PTBP2: variants seen among roughly 807,000 people sequenced by gnomAD.
The protein encoded by PTBP2 is polypyrimidine tract-binding protein 2.
PTBP2 carries 13 observed loss-of-function variants against 61.4 expected under a neutral mutation model. The observed-to-expected ratio is 0.21, with a 90% CI of 0.14 to 0.34. PTBP2 has a LOEUF of 0.34. PTBP2 is among the 10% of genes least tolerant of loss of function. PTBP2 has a pLI of 1.00. For missense variants in PTBP2, 405 were observed against 642.6 expected, an observed-to-expected ratio of 0.63 and a Z score of 4.00; for synonymous variants, 215 against 218.5, an observed-to-expected ratio of 0.98 and a Z score of 0.14.
intron 3 of PTBP2, among the ~76,000 whole-genome samples, chr1:96,757,629 G>A (rs1415005432): frequency 1.3e-5 from 2 of 152,180 alleles, no homozygotes; most frequent in East Asian, 1.9e-4. Context: ...CCCAGTAACT[G>A]TAAAATAACT....
intron 7 of PTBP2, among the ~76,000 whole-genome samples, chr1:96,779,583 A>T (rs72976439): frequency 0.045 from 6,824 of 152,134 alleles, 477 homozygotes; most frequent in African/African-American, 0.15. Flanking sequence ...TAAGCATCCA[A>T]CTATGATATT....
chr1:96,751,974 A>G (rs1003816796), intron 3 of PTBP2, among the ~76,000 whole-genome samples: 2 of 152,058 alleles, frequency 1.3e-5, no homozygotes, highest in African/African-American at 4.8e-5. Flanking sequence ...ACAGTATTTT[A>G]ATTCTGAGTT....
At chr1:96,728,480 A>G (rs1164916213) in intron 2 of PTBP2, among the ~76,000 whole-genome samples, 1 of 152,190 alleles carries the variant, frequency 6.6e-6, no homozygotes, top group African/African-American at 2.4e-5. Flanking sequence ...CAGCTTCATG[A>G]AAAATCACTT....
chr1:96,790,554 A>G (rs191492656), intron 8 of PTBP2, among the ~76,000 whole-genome samples: 30 of 152,306 alleles, frequency 2.0e-4, no homozygotes, highest in Admixed American at 3.9e-4. Context: ...ATCTTTATAA[A>G]GTAGAATTTT....
At chr1:96,804,447 C>A (rs542095390) in intron 8 of PTBP2, among the ~76,000 whole-genome samples, 1 of 150,542 alleles carries the variant, frequency 6.6e-6, no homozygotes, top group Non-Finnish European at 1.5e-5. Context: ...TACATTTGGC[C>A]TTTTACTGTA....
chr1:96,726,074 C>CAAAAAAAAAAAAAAAAAAAAAAAA (rs762152365), intron 2 of PTBP2, among the ~76,000 whole-genome samples: 1 of 54,190 alleles, frequency 1.8e-5, no homozygotes, highest in African/African-American at 7.7e-5. Context: ...GACTCTATCT[C>CAAAAAAAAAAAAAAAAAAAAAAAA]AAAAAAAAAA....
At chr1:96,722,627 C>T (rs1292542350) in intron 1 of PTBP2, among the ~76,000 whole-genome samples, 2 of 152,126 alleles carry the variant, frequency 1.3e-5, no homozygotes, top group African/African-American at 2.4e-5. Flanking sequence ...TGTTTGAAGC[C>T]GACATCAGTC....
At chr1:96,791,832 T>TTTGTTTTTTTTTTGTTTTG (rs1346568221) in intron 8 of PTBP2, among the ~76,000 whole-genome samples, 6 of 132,896 alleles carry the variant, frequency 4.5e-5, no homozygotes, top group African/African-American at 1.8e-4. Flanking sequence ...TGTGCTTTTT[T>TTTGTTTTTTTTTTGTTTTG]TTTTTTTTTT....
At chr1:96,745,788 C>T (rs936878796) in intron 2 of PTBP2, among the ~76,000 whole-genome samples, 7 of 151,790 alleles carry the variant, frequency 4.6e-5, no homozygotes, top group Non-Finnish European at 1.0e-4. Context: ...TGACTTAGGC[C>T]GGGCGTGGTG....
At chr1:96,769,091 G>A (rs1657085510) in intron 3 of PTBP2, among the ~76,000 whole-genome samples, 1 of 151,876 alleles carries the variant, frequency 6.6e-6, no homozygotes, top group Non-Finnish European at 1.5e-5. Flanking sequence ...GGATACTCTC[G>A]GAGAAATGCA....
chr1:96,758,583 A>C (rs746739289), intron 3 of PTBP2, among the ~76,000 whole-genome samples: 2 of 152,106 alleles, frequency 1.3e-5, no homozygotes, highest in Non-Finnish European at 2.9e-5. Context: ...TTAACATTTG[A>C]AAATGAACTC....
intron 2 of PTBP2, among the ~76,000 whole-genome samples, chr1:96,745,167 A>G (rs1289841472): frequency 1.4e-5 from 2 of 141,974 alleles, no homozygotes; most frequent in African/African-American, 5.0e-5. Context: ...ATATGCAGCA[A>G]TATTGCTTTT....
At chr1:96,819,586 T>C (rs1387759343), downstream of PTBP2, 4 of 151,966 alleles carry the variant, frequency 2.6e-5, no homozygotes, top group Non-Finnish European at 5.9e-5. Context: ...TTATTTGTGG[T>C]TATTGAGTTG....
intron 2 of PTBP2, among the ~76,000 whole-genome samples, chr1:96,740,775 TTTG>T (rs1652894926): frequency 6.6e-6 from 1 of 151,912 alleles, no homozygotes; most frequent in African/African-American, 2.4e-5. Flanking sequence ...CAGTGTTATT[TTTG>T]TTAAGTTTAT....
chr1:96,770,277 T>C (rs921016573), intron 4 of PTBP2, among the ~76,000 whole-genome samples: 3 of 152,074 alleles, frequency 2.0e-5, no homozygotes, highest in African/African-American at 7.2e-5. Flanking sequence ...ATTTATGAAA[T>C]TTAACACTCC....
intron 11 of PTBP2, among the ~76,000 whole-genome samples, chr1:96,809,296 T>A (rs1235884588): frequency 6.6e-6 from 1 of 152,210 alleles, no homozygotes; most frequent in Non-Finnish European, 1.5e-5. Flanking sequence ...GTGTCTAAGT[T>A]ATGCATCCAA....
intron 3 of PTBP2, among the ~76,000 whole-genome samples, chr1:96,766,401 A>G (rs1320369928): frequency 1.3e-5 from 2 of 152,188 alleles, no homozygotes; most frequent in African/African-American, 4.8e-5. Context: ...CGCCCAAACA[A>G]AAGTTCTGGG....
At chr1:96,793,740 T>C (rs1297744260) in intron 8 of PTBP2, among the ~76,000 whole-genome samples, 1 of 152,208 alleles carries the variant, frequency 6.6e-6, no homozygotes, top group Non-Finnish European at 1.5e-5. Flanking sequence ...AAGCTGTGTC[T>C]TTTAGAGAGC....
chr1:96,799,448 ACC>A (rs1660758152), intron 8 of PTBP2, among the ~76,000 whole-genome samples: 1 of 151,880 alleles, frequency 6.6e-6, no homozygotes, highest in Non-Finnish European at 1.5e-5. Context: ...GGTGCCTGCC[ACC>A]ACGCCCAGCT....
Sources: gnomAD v4.1 joint callset for allele counts (sites outside exome capture counted in the v4.1 genomes callset) on GRCh38, gnomAD v4.1.1 for gene constraint, MANE v1.5 for transcripts, NCBI Gene and HGNC (gene_info 2026-07-23, HGNC 2026-07-21) for gene names.